Variants in USP40 observed in about 807,000 individuals in gnomAD.
USP40 encodes ubiquitin carboxyl-terminal hydrolase 40.
A neutral mutation model predicts 166.2 loss-of-function variants in USP40; 143 were observed. The ratio of observed to expected loss-of-function variants is 0.86; its 90% CI spans 0.75 to 0.99. USP40 has a LOEUF of 0.99. Among genes scored for constraint, USP40 ranks in the 50% least tolerant of loss-of-function variants. USP40 has a pLI of 0.00. For synonymous variants in USP40, 498 were observed against 524.0 expected, an observed-to-expected ratio of 0.95 and a Z score of 0.68; for missense variants, 1,444 against 1,479.7, an observed-to-expected ratio of 0.98 and a Z score of 0.40.
chr2:233,556,716 T>C (rs2071130372), intron 5 of USP40, 139 bp downstream of exon 5: 8 of 703,514 alleles, frequency 1.1e-5, no homozygotes, highest in Admixed American at 3.8e-5. Flanking sequence ...GATTTAGGTG[T>C]AGTTAGAAGA....
intron 18 of USP40, among the ~76,000 whole-genome samples, chr2:233,517,779 G>A (rs1475767972): frequency 7.6e-6 from 1 of 130,928 alleles, no homozygotes; most frequent in African/African-American, 2.9e-5. Context: ...TAAAGAAACT[G>A]TGGTGTGTGT....
At chr2:233,485,499 C>G in intron 30 of USP40, 32 bp downstream of exon 30, 1 of 1,561,276 alleles carries the variant, frequency 6.4e-7, no homozygotes. Flanking sequence ...CGTGTCTTCT[C>G]AAAGTGGTAA....
intron 8 of USP40, 104 bp from the exon 9 acceptor site, chr2:233,542,467 T>C: frequency 1.5e-6 from 1 of 658,844 alleles, no homozygotes; most frequent in South Asian, 2.0e-5. Flanking sequence ...TCCCAGCAAT[T>C]TGGGAGGCCG....
chr2:233,533,430 C>G, intron 11 of USP40, 49 bp downstream of exon 11: 3 of 1,540,084 alleles, frequency 1.9e-6, no homozygotes, highest in Non-Finnish European at 2.6e-6. Flanking sequence ...CCATGTTTAT[C>G]TTCTAAAGCC....
At chr2:233,498,873 C>T (rs1352179766) in intron 22 of USP40, among the ~76,000 whole-genome samples, 1 of 152,156 alleles carries the variant, frequency 6.6e-6, no homozygotes, top group Non-Finnish European at 1.5e-5. Context: ...ATTCATTTTA[C>T]ATTCCGTCAT....
chr2:233,556,323 G>A lies in USP40; in HGVS notation c.546+532C>T, dbSNP rs74775537. Among the ~76,000 whole-genome samples, 966 of 152,130 alleles carry A rather than the reference G, an allele frequency of 6.3e-3. 22 individuals carry two copies. In the East Asian group the frequency reaches 0.084, roughly 13 times the overall value. On this transcript the variant is annotated intron_variant, in intron 5 of 31. Coordinates refer to ENST00000678225, the MANE Select transcript of USP40 (RefSeq NM_001365479.2). ...TCCAATTAGATTAAATGGGCAATAT[G>A]TGTCATTACAAAGAACTGAAGGTTA...
Position 233,531,634 on chromosome 2 carries a change from CT to C in USP40, c.1471+1844del, listed in dbSNP as rs377196330. On this transcript the variant is annotated intron_variant, in intron 11 of 31. Transcript: ENST00000678225. ...TTTTCCTCCCAGAAAAATACAAAGC[CT>C]TTTTCATTAACAGCATAGTTATGTA... Among the ~76,000 whole-genome samples, 204 of 152,184 alleles carry C rather than the reference CT, an allele frequency of 1.3e-3. 1 individual carries two copies. The highest frequency in any genetic ancestry group is 4.6e-3 in the African/African-American group (189 of 41,514).
In USP40 at chr2:233,565,521, T is replaced by C. The variant is rs1559293996; in HGVS notation, c.34A>G (p.Thr12Ala). Reference sequence around the variant, plus strand: ...TTTCCATACTGATTATTAGACACAGTGGAATACTCCTCTTCAAACAGGTCC... The same window carrying C: ...TTTCCATACTGATTATTAGACACAGCGGAATACTCCTCTTCAAACAGGTCC... ...FGDLFEEEYS[T>A]VSNNQYGKGK... Residue 12 changes from threonine (T) to alanine (A), a missense_variant, in exon 2 of 32, where the codon ACT (threonine) becomes GCT (alanine). Transcript: ENST00000678225. The C allele has an allele frequency of 6.5e-7, 1 of 1,537,316 alleles. No individual in the cohort carries two copies. Among genetic ancestry groups the C allele is most frequent in the Non-Finnish European group, 8.7e-7 (1 of 1,146,860 alleles).
intron 10 of USP40, among the ~76,000 whole-genome samples, chr2:233,540,114 A>C: frequency 7.0e-6 from 1 of 142,850 alleles, no homozygotes; most frequent in Non-Finnish European, 1.5e-5. Context: ...GACAGAGTGG[A>C]CCTCAACTCA....
At chr2:233,509,610 G>A (rs2066656900) in intron 21 of USP40, among the ~76,000 whole-genome samples, 1 of 152,024 alleles carries the variant, frequency 6.6e-6, no homozygotes, top group African/African-American at 2.4e-5. Flanking sequence ...GGAGGCCGAG[G>A]CGGGTGGATC....
chr2:233,495,328 A>G (rs1330341496), intron 24 of USP40, among the ~76,000 whole-genome samples: 1 of 151,888 alleles, frequency 6.6e-6, no homozygotes, highest in Non-Finnish European at 1.5e-5. Flanking sequence ...AATATTTTAC[A>G]TGGTTAGTCT....
intron 11 of USP40, among the ~76,000 whole-genome samples, chr2:233,532,472 T>C (rs1483844676): frequency 6.6e-6 from 1 of 152,192 alleles, no homozygotes; most frequent in Non-Finnish European, 1.5e-5. Context: ...ATGGGAAACT[T>C]CTAGGGGATA....
chr2:233,559,870 C>G lies in USP40; in HGVS notation c.322G>C (p.Asp108His). The G allele has an allele frequency of 6.2e-7, 1 of 1,610,640 alleles. No individual in the cohort carries two copies. Among genetic ancestry groups the G allele is most frequent in the Non-Finnish European group, 8.5e-7 (1 of 1,178,510 alleles). The change falls in exon 4 of 32, where the codon GAC (aspartate) becomes CAC (histidine). Residue 108 changes from aspartate (D) to histidine (H), a missense_variant. Asp to His is a moderately conservative substitution (Grantham distance 81). Transcript: ENST00000678225. ...TCTGCTGTGGATGCAGCTTCCTGGT[C>G]TAAGAGCAGAAGCTGAGCAAACAAG... is the stretch of plus-strand genomic sequence containing the variant. ...QRLFAQLLLLDQEAASTADLT... is the reference protein window; with the variant it reads ...QRLFAQLLLLHQEAASTADLT...
chr2:233,500,736 G>A (rs1407120921), intron 21 of USP40, among the ~76,000 whole-genome samples: 1 of 152,198 alleles, frequency 6.6e-6, no homozygotes, highest in Admixed American at 6.5e-5. Flanking sequence ...AATATTTTAA[G>A]TGAAACAAAG....
chr2:233,562,618 T>A (rs1384030324), intron 3 of USP40, 118 bp downstream of exon 3: 1 of 556,508 alleles, frequency 1.8e-6, no homozygotes, highest in Admixed American at 3.9e-5. Flanking sequence ...TAATGCTAGA[T>A]GATGAGTTAG....
chr2:233,566,171 G>T (rs2072130388), intron 1 of USP40, among the ~76,000 whole-genome samples: 2 of 151,906 alleles, frequency 1.3e-5, no homozygotes, highest in African/African-American at 4.8e-5. Context: ...GGGGGGAAGG[G>T]GAGCGGAGGG....
intron 9 of USP40, 71 bp from the exon 10 acceptor site, chr2:233,540,840 G>C: frequency 3.7e-6 from 4 of 1,079,544 alleles, no homozygotes; most frequent in Non-Finnish European, 5.6e-6. Flanking sequence ...AATTCAAAGA[G>C]ACCAACAGGA....
intron 5 of USP40, among the ~76,000 whole-genome samples, chr2:233,555,725 T>C (rs1269763515): frequency 2.1e-5 from 3 of 143,116 alleles, no homozygotes; most frequent in Admixed American, 1.5e-4. Context: ...AACCTCCACC[T>C]CCCGGGTTCA....
At chr2:233,549,031 T>C in intron 8 of USP40, 70 bp downstream of exon 8, 2 of 1,453,428 alleles carry the variant, frequency 1.4e-6, no homozygotes. Flanking sequence ...GTAAACAAAA[T>C]TTCCTCAACA....
Sources: gnomAD v4.1 joint callset for allele counts (sites outside exome capture counted in the v4.1 genomes callset) on GRCh38, gnomAD v4.1.1 for gene constraint, MANE v1.5 for transcripts, NCBI Gene and HGNC (gene_info 2026-07-23, HGNC 2026-07-21) for gene names.